Variants in WDPCP observed in about 807,000 individuals in gnomAD.
The protein encoded by WDPCP is WD repeat-containing and planar cell polarity effector protein fritz homolog.
Under a neutral mutation model 93.1 loss-of-function variants are expected in WDPCP, and 71 were observed. The observed-to-expected ratio is 0.76, with a 90% CI of 0.63 to 0.93. The LOEUF (loss-of-function observed/expected upper bound fraction) is 0.93, where lower values mean the gene tolerates loss of function less well. Ranked by LOEUF, WDPCP falls within the 40% of genes least tolerant of loss-of-function variation. The pLI is 0.00. For missense variants in WDPCP, 844 were observed against 887.4 expected (o/e 0.95, Z 0.62); for synonymous variants, 315 against 315.0 (o/e 1.00, Z 0.00).
At chr2:63,515,387 G>A (rs921512878) in intron 1 of WDPCP, among the ~76,000 whole-genome samples, 6 of 152,088 alleles carry the variant, frequency 3.9e-5, no homozygotes, top group Admixed American at 2.6e-4. Context: ...TGACTTGCAC[G>A]TTATCCAATA....
chr2:63,808,707 A>C (rs1031386113), intron 2 of WDPCP, among the ~76,000 whole-genome samples: 13 of 152,100 alleles, frequency 8.5e-5, no homozygotes, highest in African/African-American at 1.9e-4. Context: ...TCCACCTCCC[A>C]GCCGCCTGCC....
intron 17 of WDPCP, among the ~76,000 whole-genome samples, chr2:63,139,663 G>T (rs1670913399): frequency 6.6e-6 from 1 of 152,084 alleles, no homozygotes; most frequent in African/African-American, 2.4e-5. Context: ...TTTTTTATGG[G>T]ATTGTTTTTT....
At chr2:63,415,754 C>G (rs116057337) in intron 9 of WDPCP, among the ~76,000 whole-genome samples, 2,345 of 152,208 alleles carry the variant, frequency 0.015, 66 homozygotes, top group African/African-American at 0.054. Context: ...GCACTGGGAA[C>G]CTTAAGTGAG....
intron 2 of WDPCP, among the ~76,000 whole-genome samples, chr2:63,654,709 C>G (rs2106634781): frequency 6.6e-6 from 1 of 152,266 alleles, no homozygotes; most frequent in Non-Finnish European, 1.5e-5. Flanking sequence ...GTAATACTTA[C>G]ATATAACTTA....
intron 3 of WDPCP, among the ~76,000 whole-genome samples, chr2:63,625,483 C>T (rs956958590): frequency 6.6e-6 from 1 of 152,216 alleles, no homozygotes; most frequent in Admixed American, 6.5e-5. Flanking sequence ...AGCAAACTAT[C>T]AGGATACAAA....
chr2:63,718,309 T>C (rs1669366578), intron 2 of WDPCP, among the ~76,000 whole-genome samples: 1 of 152,176 alleles, frequency 6.6e-6, no homozygotes, highest in Non-Finnish European at 1.5e-5. Context: ...TAGTTCTATC[T>C]TTAGTTATTT....
At chr2:63,679,148 A>G (rs1467560853) in intron 2 of WDPCP, among the ~76,000 whole-genome samples, 1 of 152,216 alleles carries the variant, frequency 6.6e-6, no homozygotes, top group Non-Finnish European at 1.5e-5. Context: ...TCATCTCTTT[A>G]GGTTCCCAAT....
At chr2:63,796,245 G>C (rs760386853) in intron 2 of WDPCP, among the ~76,000 whole-genome samples, 2 of 152,180 alleles carry the variant, frequency 1.3e-5, no homozygotes, top group African/African-American at 4.8e-5. Context: ...GAAAACAATG[G>C]AAAGAAACAG....
chr2:63,286,154 C>T (rs1380984762), intron 13 of WDPCP, among the ~76,000 whole-genome samples: 2 of 152,202 alleles, frequency 1.3e-5, no homozygotes, highest in Non-Finnish European at 1.5e-5. Flanking sequence ...TTCAGGCGCA[C>T]ACCACCACAC....
chr2:63,336,940 T>A, intron 12 of WDPCP, among the ~76,000 whole-genome samples: 1 of 135,172 alleles, frequency 7.4e-6, no homozygotes, highest in Non-Finnish European at 1.5e-5. Flanking sequence ...TGTCACCAGG[T>A]TGGAGTGCAG....
intron 1 of WDPCP, among the ~76,000 whole-genome samples, chr2:63,496,872 G>A (rs551481665): frequency 6.6e-6 from 1 of 152,208 alleles, no homozygotes; most frequent in Non-Finnish European, 1.5e-5. Context: ...AGCACTTTGG[G>A]AGGCTGAGGC....
chr2:63,454,654 T>C (rs1698503489), intron 6 of WDPCP, among the ~76,000 whole-genome samples: 1 of 152,098 alleles, frequency 6.6e-6, no homozygotes, highest in Non-Finnish European at 1.5e-5. Context: ...CTTAAAATAA[T>C]AGATGAAAAC....
At chr2:63,366,687 T>C (rs1690939041) in intron 12 of WDPCP, among the ~76,000 whole-genome samples, 2 of 152,246 alleles carry the variant, frequency 1.3e-5, no homozygotes, top group South Asian at 4.1e-4. Context: ...AACTTTCATG[T>C]TGTTATACTC....
chr2:63,719,255 G>A (rs1308095044), intron 2 of WDPCP, among the ~76,000 whole-genome samples: 1 of 152,150 alleles, frequency 6.6e-6, no homozygotes, highest in Non-Finnish European at 1.5e-5. Context: ...GTGGAGGAGG[G>A]GCTACTTAGA....
At chr2:63,219,986 A>T (rs1377620672) in intron 14 of WDPCP, among the ~76,000 whole-genome samples, 1 of 152,112 alleles carries the variant, frequency 6.6e-6, no homozygotes, top group Non-Finnish European at 1.5e-5. Flanking sequence ...TGGGCGACAG[A>T]GTGAGGCTCT....
At position 63,403,977 on chromosome 2, in the gene WDPCP, G is replaced by A. The variant is rs1694346940; in HGVS notation, c.1435+71C>T. On this transcript the variant is annotated intron_variant, in intron 10 of 17. Coordinates refer to ENST00000272321, the MANE Select transcript of WDPCP (RefSeq NM_015910.7). Reference sequence around the variant, plus strand: ...TAGAAAAATCTACATTCTAAGAATAGTTTTATTGCCTTAATTATGTCACTA... The same window carrying A: ...TAGAAAAATCTACATTCTAAGAATAATTTTATTGCCTTAATTATGTCACTA... 9.4e-6 allele frequency: 15 copies of A among 1,593,944 alleles called. No individual in the cohort carries two copies. In the East Asian group the frequency reaches 3.4e-4, roughly 36 times the overall value.
intron 3 of WDPCP, among the ~76,000 whole-genome samples, chr2:63,641,024 A>G (rs1056543115): frequency 6.6e-6 from 1 of 152,100 alleles, no homozygotes; most frequent in Non-Finnish European, 1.5e-5. Flanking sequence ...CCATGAATTC[A>G]GTTGATTTGA....
chr2:63,271,758 AGCACCT>A (rs1049109010), intron 13 of WDPCP, among the ~76,000 whole-genome samples: 6 of 151,818 alleles, frequency 4.0e-5, no homozygotes, highest in Admixed American at 6.6e-5. Flanking sequence ...CACCAACACT[AGCACCT>A]GCACCTGCCT....
chr2:63,366,682 T>C (rs1164576066), intron 12 of WDPCP, among the ~76,000 whole-genome samples: 1 of 152,150 alleles, frequency 6.6e-6, no homozygotes, highest in Non-Finnish European at 1.5e-5. Context: ...ATTCAAACTT[T>C]CATGTTGTTA....
Sources: allele counts gnomAD v4.1 joint callset (sites outside exome capture counted in the v4.1 genomes callset), GRCh38; gene constraint gnomAD v4.1.1; transcripts MANE v1.5; gene names NCBI Gene and HGNC (gene_info 2026-07-23, HGNC 2026-07-21).